Variants in CTNNB1 observed in about 807,000 individuals in gnomAD.
The protein encoded by CTNNB1 is catenin beta-1.
CTNNB1 carries 6 observed loss-of-function variants against 82.5 expected under a neutral mutation model. The observed-to-expected ratio is 0.07, with a 90% CI of 0.04 to 0.14. CTNNB1 has a LOEUF of 0.14. Among genes scored for constraint, CTNNB1 ranks in the 10% least tolerant of loss-of-function variants. The pLI, the probability that CTNNB1 is intolerant of heterozygous loss-of-function variation, is 1.00. For missense variants in CTNNB1, 529 were observed against 980.4 expected (o/e 0.54, Z 6.15); for synonymous variants, 312 against 329.7 (o/e 0.95, Z 0.58).
At chr3:41,213,450 A>T (rs1559460157) in intron 1 of CTNNB1, among the ~76,000 whole-genome samples, 1 of 152,200 alleles carries the variant, frequency 6.6e-6, no homozygotes, top group East Asian at 1.9e-4. Flanking sequence ...GTAATTGTTT[A>T]TTTGGTTGCT....
chr3:41,234,315 G>T lies in CTNNB1; in HGVS notation c.1683+18G>T. On this transcript the variant is annotated intron_variant, in intron 10 of 14. Transcript: ENST00000349496. ...AATTTGTGGTAGGTAAATTCTTACA[G>T]TGATACCTGGCTATCTAAAAGGAAT... 2 of 1,613,770 alleles carry T rather than the reference G, an allele frequency of 1.2e-6. No homozygotes were observed. Among genetic ancestry groups the T allele is most frequent in the South Asian group, 1.1e-5 (1 of 91,064 alleles).
chr3:41,201,869 C>G (rs1250801491), intron 1 of CTNNB1, among the ~76,000 whole-genome samples: 1 of 151,846 alleles, frequency 6.6e-6, no homozygotes, highest in Non-Finnish European at 1.5e-5. Flanking sequence ...GCTTACTGTT[C>G]CTGTTAATGA....
chr3:41,205,790 A>G (rs1296460714), intron 1 of CTNNB1, among the ~76,000 whole-genome samples: 4 of 152,222 alleles, frequency 2.6e-5, no homozygotes, highest in Non-Finnish European at 5.9e-5. Flanking sequence ...ATAATGCTGT[A>G]GTCTGCAATT....
At chr3:41,207,090 T>G (rs2077666244) in intron 1 of CTNNB1, among the ~76,000 whole-genome samples, 1 of 152,206 alleles carries the variant, frequency 6.6e-6, no homozygotes, top group Non-Finnish European at 1.5e-5. Flanking sequence ...GATCACTGTT[T>G]CCTGCTTAAT....
At chr3:41,238,122 T>A (rs748918047) in intron 14 of CTNNB1, 46 bp downstream of exon 14, 1 of 1,558,728 alleles carries the variant, frequency 6.4e-7, no homozygotes, top group Non-Finnish European at 8.9e-7. Flanking sequence ...AAGCTAAAGT[T>A]CTAAAACTTT....
At chr3:41,224,155 C>G (rs1183742463) in intron 2 of CTNNB1, 74 bp downstream of exon 2, 1 of 1,535,870 alleles carries the variant, frequency 6.5e-7, no homozygotes, top group Non-Finnish European at 9.0e-7. Context: ...TGGCTGAGAT[C>G]CCCCTGCTTT....
At chr3:41,221,353 T>TTA (rs1553629429) in intron 1 of CTNNB1, 3 of 151,536 alleles carry the variant, frequency 2.0e-5, no homozygotes, top group Non-Finnish European at 4.4e-5. Flanking sequence ...TTTTTTTTTT[T>TTA]AAATTCTTTT....
chr3:41,236,548 T>C lies in CTNNB1; in HGVS notation c.1955-40T>C, dbSNP rs202118431. Reference sequence around the variant, plus strand: ...TTTAGCAGATGTGTACATTGAAGTCTCAGTTTTTCCTCAAGGGCCTTTTTC... The same window carrying C: ...TTTAGCAGATGTGTACATTGAAGTCCCAGTTTTTCCTCAAGGGCCTTTTTC... On this transcript the variant is annotated intron_variant, in intron 12 of 14. Coordinates refer to ENST00000349496, the MANE Select transcript of CTNNB1 (RefSeq NM_001904.4). 3.8e-5 allele frequency: 62 copies of C among 1,614,188 alleles called. No individual in the cohort carries two copies. The East Asian group carries it at 1.3e-3, about 34-fold the overall frequency.
intron 1 of CTNNB1, among the ~76,000 whole-genome samples, chr3:41,206,679 G>T (rs2077655466): frequency 6.6e-6 from 1 of 151,886 alleles, no homozygotes. Flanking sequence ...TGGGGTAAGG[G>T]TGTAGGGAGT....
rs950070151 is a variant in CTNNB1 at position 41,240,278 on chromosome 3, T to C, written c.*936T>C. On this transcript the variant is annotated 3_prime_UTR_variant, in exon 15 of 15. Coordinates refer to ENST00000349496, the MANE Select transcript of CTNNB1 (RefSeq NM_001904.4). ...GTTTTTGATCAAAAACTATTTGGGA[T>C]ATGTATGGGTAGGGTAAATCAGTAA... The C allele has an allele frequency of 5.2e-6, 1 of 192,832 alleles. No homozygotes were observed. The highest frequency in any genetic ancestry group is 1.1e-5 in the Non-Finnish European group (1 of 92,064). The allele number at this position is 192,832 out of a possible 1,614,324, so 11.9% of individuals were successfully genotyped here.
intron 1 of CTNNB1, among the ~76,000 whole-genome samples, chr3:41,205,941 T>A (rs2077638649): frequency 6.6e-6 from 1 of 152,208 alleles, no homozygotes. Context: ...GTTTCTTGTG[T>A]AATATCCCAG....
chr3:41,207,332 G>A (rs554117689), intron 1 of CTNNB1, among the ~76,000 whole-genome samples: 3 of 152,116 alleles, frequency 2.0e-5, no homozygotes, highest in South Asian at 2.1e-4. Flanking sequence ...CTTGAAGAGC[G>A]CCCTCATTAT....
intron 6 of CTNNB1, 124 bp from the exon 7 acceptor site, chr3:41,227,084 C>T: frequency 2.4e-6 from 2 of 819,478 alleles, no homozygotes; most frequent in Non-Finnish European, 4.1e-6. Flanking sequence ...TCCAGGAATA[C>T]ATTTAGGTCC....
At chr3:41,214,075 G>C (rs1050841559) in intron 1 of CTNNB1, among the ~76,000 whole-genome samples, 2 of 152,114 alleles carry the variant, frequency 1.3e-5, no homozygotes, top group African/African-American at 4.8e-5. Context: ...AGGAGCTTAC[G>C]CTAGTGGTTA....
chr3:41,235,460 T>G, intron 10 of CTNNB1: 1 of 522,556 alleles, frequency 1.9e-6, no homozygotes, highest in Non-Finnish European at 3.4e-6. Flanking sequence ...GTGCCCTTAC[T>G]GTAGGAAAGT....
intron 1 of CTNNB1, among the ~76,000 whole-genome samples, chr3:41,216,306 A>G (rs1036801320): frequency 6.6e-6 from 1 of 152,210 alleles, no homozygotes. Context: ...ACAAGGCAGT[A>G]TCCTAAAATT....
chr3:41,231,931 C>T (rs2078318502), intron 7 of CTNNB1, among the ~76,000 whole-genome samples: 1 of 152,086 alleles, frequency 6.6e-6, no homozygotes, highest in Admixed American at 6.5e-5. Context: ...TAAATGGAAC[C>T]CTCAGAAGGC....
rs2125640640 is a variant in CTNNB1 at position 41,233,820 on chromosome 3, G to A, written c.1477G>A (p.Val493Ile). The A allele has an allele frequency of 6.2e-7, 1 of 1,613,656 alleles. No individual in the cohort carries two copies. Among genetic ancestry groups the A allele is most frequent in the South Asian group, 1.1e-5 (1 of 91,042 alleles). The change falls in exon 9 of 15, where the codon GTT (valine) becomes ATT (isoleucine). Residue 493 changes from valine (V) to isoleucine (I), a missense_variant. Val to Ile is a conservative substitution (Grantham distance 29). Transcript: ENST00000349496. Reference protein sequence around the residue: ...NAVRLHYGLPVVVKLLHPPSH... With the variant: ...NAVRLHYGLPIVVKLLHPPSH... ...AGTTCGCCTTCACTATGGACTACCA[G>A]TTGTGGTTAAGCTCTTACACCCACC...
rs867490835 is a variant in CTNNB1, at chr3:41,238,152, C to G, written c.2137+76C>G. The G allele has an allele frequency of 6.0e-6, 8 of 1,341,406 alleles. No homozygotes were observed. The Middle Eastern group carries it at 1.4e-3, about 242-fold the overall frequency. 83.1% of individuals were successfully genotyped at this position (1,341,406 alleles called of 1,614,324 possible). The stretch of plus-strand genomic sequence containing the variant: ...AACTTTTATCAGAAGAGCCGGTTTG[C>G]TCATCTGGGAAACCAGTGTTGGCAG... On this transcript the variant is annotated intron_variant, in intron 14 of 14. Transcript: ENST00000349496.
Sources: allele counts gnomAD v4.1 joint callset (sites outside exome capture counted in the v4.1 genomes callset), GRCh38; gene constraint gnomAD v4.1.1; transcripts MANE v1.5; gene names NCBI Gene and HGNC (gene_info 2026-07-23, HGNC 2026-07-21).